ARHGEF38: variants seen among roughly 807,000 people sequenced by gnomAD.
ARHGEF38 encodes the protein Rho guanine nucleotide exchange factor 38, also known as Rho guanine nucleotide exchange factor (GEF) 38.
A neutral mutation model predicts 79.9 loss-of-function variants in ARHGEF38; 79 were observed. That is an observed-to-expected ratio of 0.99 (90% CI 0.82 to 1.19). ARHGEF38 has a LOEUF of 1.19. ARHGEF38 is among the 50% of genes most tolerant of loss of function. The probability of loss-of-function intolerance (pLI) is 0.00; values close to 1 mark genes in which losing one functional copy is unlikely to be tolerated. For missense variants in ARHGEF38, 962 were observed against 907.2 expected, an observed-to-expected ratio of 1.06 and a Z score of -0.78; for synonymous variants, 366 against 328.3, an observed-to-expected ratio of 1.11 and a Z score of -1.24.
intron 1 of ARHGEF38, among the ~76,000 whole-genome samples, chr4:105,580,413 C>A (rs906924080): frequency 1.3e-5 from 2 of 152,094 alleles, no homozygotes; most frequent in Non-Finnish European, 2.9e-5. Flanking sequence ...TGGTATGTTG[C>A]GTCTTTGTTT....
chr4:105,593,345 C>A (rs1311526658), intron 2 of ARHGEF38, among the ~76,000 whole-genome samples: 1 of 151,892 alleles, frequency 6.6e-6, no homozygotes, highest in South Asian at 2.1e-4. Flanking sequence ...AGTTCGAGAC[C>A]AGCCTGGGCA....
At position 105,648,537 on chromosome 4, in the gene ARHGEF38, C is replaced by T; in HGVS notation, c.875-12C>T. 1.3e-6 allele frequency: 2 copies of T among 1,494,992 alleles called. No homozygotes were observed. The highest frequency in any genetic ancestry group is 1.8e-6 in the Non-Finnish European group (2 of 1,129,404). The allele number at this position is 1,494,992 out of a possible 1,614,324, so 92.6% of individuals were successfully genotyped here. On this transcript the variant is annotated splice_polypyrimidine_tract_variant and intron_variant, in intron 6 of 13. Transcript: ENST00000420470. ...ATGTGTTCAGCTACGTTATTACATT[C>T]TTCCTTTTCAGTTCTAAAATACAAG...
intron 4 of ARHGEF38, among the ~76,000 whole-genome samples, chr4:105,633,543 G>C (rs1339511701): frequency 1.3e-5 from 2 of 152,136 alleles, no homozygotes; most frequent in Non-Finnish European, 2.9e-5. Flanking sequence ...ATGAATACTA[G>C]GTGTGGCCTC....
At chr4:105,579,982 T>G (rs1455211300) in intron 1 of ARHGEF38, among the ~76,000 whole-genome samples, 1 of 152,182 alleles carries the variant, frequency 6.6e-6, no homozygotes, top group African/African-American at 2.4e-5. Flanking sequence ...GTCCAGGAAT[T>G]TATCCATTTC....
At chr4:105,618,766 C>G (rs1728618804) in intron 3 of ARHGEF38, among the ~76,000 whole-genome samples, 1 of 152,196 alleles carries the variant, frequency 6.6e-6, no homozygotes, top group Non-Finnish European at 1.5e-5. Flanking sequence ...AGTCTCAAAA[C>G]TTTCTCCCCA....
downstream of ARHGEF38, among the ~76,000 whole-genome samples, chr4:105,682,002 G>A (rs1018265734): frequency 4.6e-5 from 7 of 152,098 alleles, no homozygotes; most frequent in African/African-American, 1.4e-4. Context: ...TCAGGAATGT[G>A]CATAACCAAG....
chr4:105,592,843 C>G (rs980782142), intron 2 of ARHGEF38, among the ~76,000 whole-genome samples: 33 of 152,282 alleles, frequency 2.2e-4, no homozygotes, highest in Non-Finnish European at 4.1e-4. Flanking sequence ...GCATCTCTAC[C>G]TATATAAGTT....
intron 1 of ARHGEF38, among the ~76,000 whole-genome samples, chr4:105,563,053 G>A (rs1725713404): frequency 6.6e-6 from 1 of 152,084 alleles, no homozygotes; most frequent in African/African-American, 2.4e-5. Context: ...GGCCTGAGAG[G>A]TGCTTTCATC....
At chr4:105,631,447 C>G in intron 4 of ARHGEF38, 7 of 986,324 alleles carry the variant, frequency 7.1e-6, no homozygotes, top group Non-Finnish European at 7.2e-6. Context: ...GCCTACAACT[C>G]TGCATGGCCG....
intron 13 of ARHGEF38, among the ~76,000 whole-genome samples, chr4:105,671,491 A>C (rs1730956798): frequency 6.6e-6 from 1 of 152,218 alleles, no homozygotes. Flanking sequence ...TGCATAATGC[A>C]TAATATTGAA....
intron 2 of ARHGEF38, among the ~76,000 whole-genome samples, chr4:105,596,013 A>C (rs1175590307): frequency 1.3e-5 from 2 of 152,176 alleles, no homozygotes; most frequent in African/African-American, 4.8e-5. Context: ...TGAAATTGAA[A>C]ATTTAAAAAA....
chr4:105,621,289 C>T (rs146816154), intron 3 of ARHGEF38, among the ~76,000 whole-genome samples: 43 of 152,246 alleles, frequency 2.8e-4, no homozygotes, highest in African/African-American at 9.9e-4. Flanking sequence ...TGTTACATAG[C>T]AATAAATAAC....
rs1243064547 is a variant in ARHGEF38, at chr4:105,659,372, A to C, written c.1545+7A>C. On this transcript the variant is annotated splice_region_variant and intron_variant, in intron 10 of 13. Coordinates refer to ENST00000420470, the MANE Select transcript of ARHGEF38 (RefSeq NM_001242729.2). ...TTACTCCACACTTGTGCCGGTAAGC[A>C]CAGCACCAACACCTAGCTAGCTACC... 1.0e-5 allele frequency: 16 copies of C among 1,530,250 alleles called. No homozygotes were observed. Among genetic ancestry groups the C allele is most frequent in the Admixed American group, 2.0e-5 (1 of 50,794 alleles). The allele number at this position is 1,530,250 out of a possible 1,614,324, so 94.8% of individuals were successfully genotyped here.
At chr4:105,643,215 G>A (rs1270663838) in intron 5 of ARHGEF38, among the ~76,000 whole-genome samples, 2 of 150,832 alleles carry the variant, frequency 1.3e-5, no homozygotes, top group Non-Finnish European at 2.9e-5. Flanking sequence ...TCACTCAGTC[G>A]TCTTGGAAAC....
intron 1 of ARHGEF38, among the ~76,000 whole-genome samples, chr4:105,565,070 T>C (rs1725822190): frequency 6.6e-6 from 1 of 152,192 alleles, no homozygotes; most frequent in Non-Finnish European, 1.5e-5. Flanking sequence ...CCAATACCAC[T>C]TCAGTATTTT....
chr4:105,569,898 C>G (rs182744687), intron 1 of ARHGEF38: 3 of 152,284 alleles, frequency 2.0e-5, no homozygotes, highest in Admixed American at 2.0e-4. Context: ...TTTTCTCTTT[C>G]TACAGTGAAT....
At chr4:105,630,029 T>G (rs1007758305) in intron 3 of ARHGEF38, among the ~76,000 whole-genome samples, 2 of 152,192 alleles carry the variant, frequency 1.3e-5, no homozygotes, top group African/African-American at 2.4e-5. Flanking sequence ...GTGTCTCTTA[T>G]AAATTAACAA....
chr4:105,635,616 C>T (rs781675122), intron 4 of ARHGEF38, among the ~76,000 whole-genome samples: 42 of 151,966 alleles, frequency 2.8e-4, no homozygotes, highest in African/African-American at 5.1e-4. Flanking sequence ...TGACCTATGA[C>T]GCACAAAGCA....
At position 105,655,717 on chromosome 4, in the gene ARHGEF38, G is replaced by T. The variant is rs964629879; in HGVS notation, c.1228G>T (p.Asp410Tyr). 2 of 1,534,034 alleles carry T rather than the reference G, an allele frequency of 1.3e-6. No homozygotes were observed. The highest frequency in any genetic ancestry group is 1.7e-4 in the Middle Eastern group (1 of 5,982). The part of the protein sequence containing the change: ...TLSNALNSCH[D>Y]FASHLQRLIL... ...AAGTAATGCCTTAAATTCGTGTCAT[G>T]ACTTTGTAAGTTATTTATATTCACA... Residue 410 changes from aspartate (D) to tyrosine (Y), a missense_variant, in exon 9 of 14, where the codon GAC becomes TAC. Physicochemically the swap from Asp to Tyr is radical, Grantham distance 160. Transcript: ENST00000420470.
Sources: gnomAD v4.1 joint callset for allele counts (sites outside exome capture counted in the v4.1 genomes callset) on GRCh38, gnomAD v4.1.1 for gene constraint, MANE v1.5 for transcripts, NCBI Gene and HGNC (gene_info 2026-07-23, HGNC 2026-07-21) for gene names.